The following TENM2 variants were observed in gnomAD, a reference collection of about 807,000 sequenced individuals.
The protein encoded by TENM2 is teneurin-2.
TENM2 carries 52 observed loss-of-function variants against 245.2 expected under a neutral mutation model. The observed-to-expected ratio is 0.21, with a 90% CI of 0.17 to 0.27. TENM2 has a LOEUF of 0.27. Ranked by LOEUF, TENM2 falls within the 10% of genes least tolerant of loss-of-function variation. The probability of loss-of-function intolerance (pLI) is 1.00; values close to 1 mark genes in which losing one functional copy is unlikely to be tolerated. For synonymous variants in TENM2, 1,363 were observed against 1,438.9 expected (o/e 0.95, Z 1.19); for missense variants, 3,046 against 3,666.8 (o/e 0.83, Z 4.37).
At chr5:167,018,568 C>T in the TENM2 span, among the ~76,000 whole-genome samples, 2 of 152,068 alleles carry the variant, frequency 1.3e-5, no homozygotes, top group East Asian at 3.9e-4. Flanking sequence ...TTTAGGGTGG[C>T]AGACAGGTAA....
chr5:167,014,180 A>C, the TENM2 span, among the ~76,000 whole-genome samples: 5 of 131,716 alleles, frequency 3.8e-5, no homozygotes, highest in Admixed American at 3.5e-4. Flanking sequence ...CTTTATAAGA[A>C]GACCTGGACA....
the TENM2 span, among the ~76,000 whole-genome samples, chr5:166,986,083 A>G: frequency 1.3e-5 from 2 of 152,172 alleles, no homozygotes; most frequent in Non-Finnish European, 2.9e-5. Flanking sequence ...AGATGGAAGG[A>G]TGGTGGGGTG....
chr5:167,319,644 A>C (rs889766858), intron 1 of TENM2, among the ~76,000 whole-genome samples: 1 of 152,188 alleles, frequency 6.6e-6, no homozygotes, highest in Non-Finnish European at 1.5e-5. Context: ...ACATGCATCT[A>C]TTTGAAGGAA....
intron 5 of TENM2, among the ~76,000 whole-genome samples, chr5:168,015,800 G>C (rs1191550686): frequency 6.6e-6 from 1 of 152,204 alleles, no homozygotes; most frequent in Non-Finnish European, 1.5e-5. Flanking sequence ...AGAAGGGAAG[G>C]CAGAATGATA....
chr5:167,905,082 A>G (rs891743148), intron 3 of TENM2, among the ~76,000 whole-genome samples: 2 of 152,234 alleles, frequency 1.3e-5, no homozygotes, highest in Non-Finnish European at 2.9e-5. Context: ...GTTGAGTCCA[A>G]AAATGATCTC....
intron 2 of TENM2, among the ~76,000 whole-genome samples, chr5:167,868,886 G>A (rs1055906156): frequency 2.0e-5 from 3 of 152,168 alleles, no homozygotes; most frequent in Non-Finnish European, 4.4e-5. Context: ...CCAGTAAGCT[G>A]AAAGTCTCAT....
chr5:167,839,335 T>C (rs1337655908), intron 2 of TENM2, among the ~76,000 whole-genome samples: 4 of 152,238 alleles, frequency 2.6e-5, no homozygotes, highest in Admixed American at 1.3e-4. Flanking sequence ...ATTTCACTGA[T>C]GATTTATTGT....
chr5:167,805,438 G>A (rs376892009), intron 2 of TENM2, among the ~76,000 whole-genome samples: 1 of 152,076 alleles, frequency 6.6e-6, no homozygotes, highest in Non-Finnish European at 1.5e-5. Flanking sequence ...TGTGGGATTT[G>A]TTGCTCTTTA....
At chr5:167,788,623 A>C (rs1764738724) in intron 2 of TENM2, among the ~76,000 whole-genome samples, 2 of 152,140 alleles carry the variant, frequency 1.3e-5, no homozygotes. Context: ...CTTCAACAAC[A>C]CTTTTCTTAT....
At chr5:167,821,646 T>G (rs1349133933) in intron 2 of TENM2, among the ~76,000 whole-genome samples, 1 of 152,236 alleles carries the variant, frequency 6.6e-6, no homozygotes, top group African/African-American at 2.4e-5. Flanking sequence ...TGTTGTTTTC[T>G]TCTTTCTCCA....
chr5:167,063,029 C>CA, the TENM2 span, among the ~76,000 whole-genome samples: 1 of 152,146 alleles, frequency 6.6e-6, no homozygotes, highest in East Asian at 1.9e-4. Context: ...TGATGTAGGT[C>CA]AACTGGTTTC....
intron 2 of TENM2, among the ~76,000 whole-genome samples, chr5:167,436,618 A>G (rs1764569557): frequency 6.6e-6 from 1 of 152,184 alleles, no homozygotes; most frequent in South Asian, 2.1e-4. Context: ...AGGGCATGTC[A>G]GAGGTCTTCA....
At chr5:167,104,581 C>T in the TENM2 span, among the ~76,000 whole-genome samples, 3 of 152,120 alleles carry the variant, frequency 2.0e-5, no homozygotes, top group Non-Finnish European at 2.9e-5. Flanking sequence ...TAGCGGCTAG[C>T]GAGTGTATGG....
intron 2 of TENM2, chr5:167,821,083 A>C (rs2151036135): frequency 6.6e-6 from 1 of 152,362 alleles, no homozygotes; most frequent in South Asian, 2.1e-4. Context: ...GAGGATCTTC[A>C]GGGACAGGCT....
intron 9 of TENM2, among the ~76,000 whole-genome samples, chr5:168,107,929 A>G (rs1262893110): frequency 6.6e-6 from 1 of 152,244 alleles, no homozygotes; most frequent in Non-Finnish European, 1.5e-5. Flanking sequence ...CATGCCGGCC[A>G]TCTCCTATCC....
the TENM2 span, among the ~76,000 whole-genome samples, chr5:167,121,132 G>T: frequency 2.6e-5 from 4 of 152,084 alleles, no homozygotes; most frequent in African/African-American, 9.7e-5. Context: ...TTGTGTGTGT[G>T]TTTTTGTTTT....
intron 1 of TENM2, among the ~76,000 whole-genome samples, chr5:167,307,636 A>G (rs1394656803): frequency 1.3e-5 from 2 of 151,506 alleles, no homozygotes; most frequent in Non-Finnish European, 2.9e-5. Flanking sequence ...AAGAACCCTA[A>G]CTCCCACCGC....
intron 2 of TENM2, among the ~76,000 whole-genome samples, chr5:167,412,286 A>G (rs1271931629): frequency 6.7e-6 from 1 of 148,930 alleles, no homozygotes; most frequent in African/African-American, 2.4e-5. Flanking sequence ...GAGCAGCAGC[A>G]TTATAGCCTG....
chr5:167,562,408 T>C (rs1040502938), intron 2 of TENM2, among the ~76,000 whole-genome samples: 4 of 151,844 alleles, frequency 2.6e-5, no homozygotes, highest in Non-Finnish European at 5.9e-5. Context: ...GAGAATGAGG[T>C]GTGGGCAAGG....
Sources: allele counts gnomAD v4.1 joint callset (sites outside exome capture counted in the v4.1 genomes callset), GRCh38; gene constraint gnomAD v4.1.1; transcripts MANE v1.5; gene names NCBI Gene and HGNC (gene_info 2026-07-23, HGNC 2026-07-21).